Variants in MAST4 observed in about 807,000 individuals in gnomAD.
The protein encoded by MAST4 is microtubule-associated serine/threonine-protein kinase 4.
MAST4 carries 89 observed loss-of-function variants against 162.7 expected under a neutral mutation model. That is an observed-to-expected ratio of 0.55 (90% confidence interval 0.46 to 0.65). The LOEUF (loss-of-function observed/expected upper bound fraction) is 0.65, where lower values mean the gene tolerates loss of function less well. MAST4 is among the 30% of genes least tolerant of loss of function. The pLI is 0.00. For synonymous variants in MAST4, 1,479 were observed against 1,361.1 expected (o/e 1.09, Z -1.91); for missense variants, 3,153 against 3,374.0 (o/e 0.93, Z 1.62).
chr5:66,930,052 A>G (rs1183357868), intron 4 of MAST4, among the ~76,000 whole-genome samples: 2 of 152,202 alleles, frequency 1.3e-5, no homozygotes, highest in Non-Finnish European at 2.9e-5. Flanking sequence ...GTTCAGAAAT[A>G]AAGGCCAACC....
intron 2 of MAST4, among the ~76,000 whole-genome samples, chr5:66,767,216 T>A (rs1193589256): frequency 1.4e-5 from 2 of 141,390 alleles, no homozygotes; most frequent in African/African-American, 5.2e-5. Context: ...TGTGTGTGTG[T>A]GGTGCTAGGG....
chr5:66,877,904 T>A lies in MAST4; in HGVS notation c.643-22047T>A, dbSNP rs25836. Reference sequence around the variant, plus strand: ...AGCAAAAACAATAGAAATGTAAAACTTTCTGAAATTGCTAGAGGTATCAGG... The same window carrying A: ...AGCAAAAACAATAGAAATGTAAAACATTCTGAAATTGCTAGAGGTATCAGG... On this transcript the variant is annotated intron_variant, in intron 3 of 28. Transcript: ENST00000403625. Among the ~76,000 whole-genome samples the A allele has an allele frequency of 4.6e-3, 707 of 152,102 alleles. 6 individuals carry two copies. The highest frequency in any genetic ancestry group is 0.016 in the African/African-American group (681 of 41,496).
intron 4 of MAST4, among the ~76,000 whole-genome samples, chr5:66,915,688 C>A (rs1202119856): frequency 6.6e-6 from 1 of 152,140 alleles, no homozygotes; most frequent in Non-Finnish European, 1.5e-5. Context: ...TGCACGCGGG[C>A]GCTGGTCCCG....
chr5:67,142,510 T>C lies in MAST4; in HGVS notation c.2707T>C (p.Ser903Pro). Residue 903 changes from serine (S) to proline (P), a missense_variant, in exon 21 of 29, where the codon TCA (serine) becomes CCA (proline). This residue lies in a region of MAST4 where 619 missense variants were observed against 744.2 expected (regional missense o/e 0.83). Transcript: ENST00000403625. Reference protein sequence around the residue: ...DFNVEIRQFSSCSHRFSKVFS... With the variant: ...DFNVEIRQFSPCSHRFSKVFS... Reference sequence around the variant, plus strand: ...TAATGTGGAAATAAGGCAGTTTTCTTCATGTTCACACAGGTTTTCAAAAGT... The same window carrying C: ...TAATGTGGAAATAAGGCAGTTTTCTCCATGTTCACACAGGTTTTCAAAAGT... 1 of 1,586,104 alleles carries C rather than the reference T, an allele frequency of 6.3e-7. No individual in the cohort carries two copies. Among genetic ancestry groups the C allele is most frequent in the Non-Finnish European group, 8.6e-7 (1 of 1,165,000 alleles).
intron 4 of MAST4, chr5:67,004,728 A>G (rs1751760687): frequency 4.7e-6 from 2 of 422,574 alleles, no homozygotes; most frequent in East Asian, 8.8e-5. Flanking sequence ...CCTGACTAGG[A>G]GAGGGCAGAC....
At chr5:66,687,261 G>A (rs937151781) in intron 1 of MAST4, among the ~76,000 whole-genome samples, 4 of 152,004 alleles carry the variant, frequency 2.6e-5, no homozygotes, top group Admixed American at 6.5e-5. Flanking sequence ...GGTCCACACT[G>A]TCTGTCATTG....
intron 5 of MAST4, among the ~76,000 whole-genome samples, chr5:67,077,998 C>CTGA (rs1238300021): frequency 1.1e-4 from 17 of 152,194 alleles, no homozygotes; most frequent in African/African-American, 4.1e-4. Context: ...ACTAGGGAGG[C>CTGA]TGAGGCAGGA....
At chr5:66,704,281 A>G (rs1434798367) in intron 1 of MAST4, among the ~76,000 whole-genome samples, 1 of 152,146 alleles carries the variant, frequency 6.6e-6, no homozygotes, top group Non-Finnish European at 1.5e-5. Flanking sequence ...CCAAGTGTTC[A>G]ACATCAGTTT....
chr5:67,090,409 A>G (rs973104827), intron 6 of MAST4, among the ~76,000 whole-genome samples, 178 bp downstream of exon 6: 1 of 40,898 alleles, frequency 2.4e-5, no homozygotes, highest in Non-Finnish European at 4.6e-5. Flanking sequence ...CCCCCTCCCC[A>G]CTTTTCCCCC....
At chr5:66,859,317 C>T (rs1759916418) in intron 3 of MAST4, among the ~76,000 whole-genome samples, 1 of 152,116 alleles carries the variant, frequency 6.6e-6, no homozygotes, top group Admixed American at 6.6e-5. Flanking sequence ...TTGGTAATTA[C>T]CATTCTACCT....
At chr5:66,776,525 C>T (rs953415583) in intron 2 of MAST4, among the ~76,000 whole-genome samples, 20 of 152,180 alleles carry the variant, frequency 1.3e-4, no homozygotes, top group Non-Finnish European at 2.9e-4. Context: ...ACACAGTCTT[C>T]TCCATATCAA....
intron 4 of MAST4, among the ~76,000 whole-genome samples, chr5:66,973,546 G>T (rs895409546): frequency 6.6e-6 from 1 of 152,170 alleles, no homozygotes; most frequent in African/African-American, 2.4e-5. Flanking sequence ...AAGTCCAAAA[G>T]CTGGTGTCTG....
intron 4 of MAST4, among the ~76,000 whole-genome samples, chr5:66,973,093 A>AT (rs59615184): frequency 0.019 from 2,876 of 152,104 alleles, 84 homozygotes; most frequent in African/African-American, 0.066. Context: ...GTATTTAAAC[A>AT]TTTTTTTCTC....
intron 1 of MAST4, among the ~76,000 whole-genome samples, chr5:66,608,565 G>A (rs1381112484): frequency 6.6e-6 from 1 of 151,886 alleles, no homozygotes; most frequent in Non-Finnish European, 1.5e-5. Flanking sequence ...CCTAGCAAGT[G>A]TTGAGGGTAC....
chr5:66,756,825 T>C (rs1024696935), intron 1 of MAST4, among the ~76,000 whole-genome samples: 1 of 152,142 alleles, frequency 6.6e-6, no homozygotes, highest in Non-Finnish European at 1.5e-5. Flanking sequence ...GGAAATGGGA[T>C]CTTGGAGCAC....
chr5:66,882,763 C>T (rs191382606), intron 3 of MAST4, among the ~76,000 whole-genome samples: 562 of 152,174 alleles, frequency 3.7e-3, no homozygotes, highest in Non-Finnish European at 5.2e-3. Flanking sequence ...ATATCCAAAC[C>T]TAGCTCAAGC....
At chr5:66,754,957 G>A (rs539855777) in intron 1 of MAST4, among the ~76,000 whole-genome samples, 2 of 152,286 alleles carry the variant, frequency 1.3e-5, no homozygotes, top group East Asian at 1.9e-4. Flanking sequence ...GGAAGAGCCT[G>A]GGGCATCCAA....
At position 66,780,193 on chromosome 5, in the gene MAST4, T is replaced by C. The variant is rs1426802835; in HGVS notation, c.518-8477T>C. Among the ~76,000 whole-genome samples the C allele has an allele frequency of 2.6e-5, 4 of 152,150 alleles. No individual in the cohort carries two copies. The East Asian group carries it at 5.8e-4, about 22-fold the overall frequency. On this transcript the variant is annotated intron_variant, in intron 2 of 28. Coordinates refer to ENST00000403625, the MANE Select transcript of MAST4 (RefSeq NM_001164664.2). ...ATTTTCATCATCCCAAACTGAAACT[T>C]TGTACCCATTAAACAGGAACTCCCC...
chr5:66,788,874 T>C, intron 3 of MAST4, 80 bp downstream of exon 3: 1 of 1,431,628 alleles, frequency 7.0e-7, no homozygotes, highest in South Asian at 1.5e-5. Flanking sequence ...TGAGTTTAAC[T>C]ATATTTAAAC....
Sources: gnomAD v4.1 joint callset for allele counts (sites outside exome capture counted in the v4.1 genomes callset) on GRCh38, gnomAD v4.1.1 for gene constraint, gnomAD v4.1.1 regional missense constraint, MANE v1.5 for transcripts, NCBI Gene and HGNC (gene_info 2026-07-23, HGNC 2026-07-21) for gene names.